The following TRMT2B variants were observed in gnomAD, a reference collection of about 807,000 sequenced individuals.
The protein encoded by TRMT2B is tRNA methyltransferase 2B.
In TRMT2B, 34 loss-of-function variants were observed where a neutral mutation model predicts 39.7. The ratio of observed to expected loss-of-function variants is 0.86; its 90% CI spans 0.65 to 1.14. The LOEUF (loss-of-function observed/expected upper bound fraction) is 1.14, where lower values mean the gene tolerates loss of function less well. TRMT2B is among the 50% of genes most tolerant of loss of function. The probability of loss-of-function intolerance (pLI) is 0.00; values close to 1 mark genes in which losing one functional copy is unlikely to be tolerated. For missense variants in TRMT2B, 318 were observed against 377.2 expected, an observed-to-expected ratio of 0.84 and a Z score of 1.30; for synonymous variants, 132 against 137.3, an observed-to-expected ratio of 0.96 and a Z score of 0.27.
the TRMT2B span, among the ~76,000 whole-genome samples, chrX:100,988,890 T>G: frequency 2.1e-5 from 2 of 96,438 alleles, no homozygotes; most frequent in Non-Finnish European, 4.1e-5. Context: ...ATCAAGAATT[T>G]AAAAACATGA....
chrX:101,046,787 G>A (rs904489373), intron 2 of TRMT2B, among the ~76,000 whole-genome samples: 2 of 110,581 alleles, frequency 1.8e-5, no homozygotes, highest in Non-Finnish European at 3.8e-5. Flanking sequence ...TTAGCCAGAT[G>A]TGGTGGCGCA....
chrX:101,030,323 C>T (rs185053729), intron 7 of TRMT2B, among the ~76,000 whole-genome samples: 24 of 110,899 alleles, frequency 2.2e-4, no homozygotes, highest in African/African-American at 7.9e-4. Flanking sequence ...CTTCCATCTT[C>T]CTCTACCAGG....
At chrX:101,025,186 A>T (rs756664046) in intron 7 of TRMT2B, among the ~76,000 whole-genome samples, 5 of 111,803 alleles carry the variant, frequency 4.5e-5, no homozygotes, top group Non-Finnish European at 9.4e-5. Flanking sequence ...TTATTTATGG[A>T]AAATAATCTT....
chrX:100,988,058 C>T, the TRMT2B span: 1 of 481,151 alleles, frequency 2.1e-6, no homozygotes. Context: ...AGCAAAAGGC[C>T]TAAACATCCT....
chrX:100,977,864 T>TATATGTGTGTATATGTA, the TRMT2B span, among the ~76,000 whole-genome samples: 1 of 112,513 alleles, frequency 8.9e-6, no homozygotes, highest in Admixed American at 9.4e-5. Flanking sequence ...TAAATAGTAC[T>TATATGTGTGTATATGTA]CCATTGTGTA....
chrX:100,993,754 C>A, the TRMT2B span, among the ~76,000 whole-genome samples: 1 of 111,608 alleles, frequency 9.0e-6, no homozygotes, highest in African/African-American at 3.3e-5. Flanking sequence ...TCAGTGTACC[C>A]TTAGTCATGT....
chrX:101,042,347 T>C (rs1393560679), intron 2 of TRMT2B, 35 bp from the exon 3 acceptor site: 1 of 1,165,573 alleles, frequency 8.6e-7, no homozygotes, highest in East Asian at 3.0e-5. Flanking sequence ...GGTTGGGAAA[T>C]AGAAGCACAA....
downstream of TRMT2B, among the ~76,000 whole-genome samples, chrX:101,007,332 T>A (rs1228642000): frequency 8.9e-6 from 1 of 111,829 alleles, no homozygotes; most frequent in African/African-American, 3.2e-5. Context: ...TCATCAATAA[T>A]GTTGGACTTT....
the TRMT2B span, chrX:100,973,646 CTTA>C: frequency 8.4e-7 from 1 of 1,185,091 alleles, no homozygotes; most frequent in Non-Finnish European, 1.1e-6. Context: ...GGACTTACTT[CTTA>C]TTTTCTTTCT....
rs2086827387 is a variant in TRMT2B at position 101,022,032 on chromosome X, T to C, written c.787A>G (p.Lys263Glu). Residue 263 changes from lysine to glutamate, a missense_variant, in exon 9 of 14, where the codon AAG (lysine) becomes GAG (glutamate). Lys to Glu is a moderately conservative substitution (Grantham distance 56). Transcript: ENST00000372936. ...EELHVQKEIV[K>E]EFFIRGPGAA... ...CCAGGACCTCTGATGAAAAATTCCTTTACAATCTCCTTCTGAACATGGAGC... is the reference window on the plus strand; with the variant it reads ...CCAGGACCTCTGATGAAAAATTCCTCTACAATCTCCTTCTGAACATGGAGC... 1.7e-6 allele frequency: 2 copies of C among 1,208,781 alleles called. No individual in the cohort carries two copies. The highest frequency in any genetic ancestry group is 2.2e-6 in the Non-Finnish European group (2 of 894,004).
chrX:100,981,327 G>A, the TRMT2B span, among the ~76,000 whole-genome samples: 3 of 111,850 alleles, frequency 2.7e-5, no homozygotes, highest in East Asian at 5.7e-4. Context: ...TCTGCCCTAT[G>A]TAGTTTTCTG....
At chrX:101,019,167 T>C in intron 12 of TRMT2B, 97 bp from the exon 13 acceptor site, 1 of 1,128,107 alleles carries the variant, frequency 8.9e-7, no homozygotes. Flanking sequence ...TGATTAGAAA[T>C]AGAGGGGAAA....
intron 7 of TRMT2B, among the ~76,000 whole-genome samples, chrX:101,031,765 A>G (rs1189715454): frequency 9.0e-6 from 1 of 111,388 alleles, no homozygotes; most frequent in Non-Finnish European, 1.9e-5. Flanking sequence ...TTACTAAAAA[A>G]GAACAGAATG....
intron 7 of TRMT2B, among the ~76,000 whole-genome samples, chrX:101,027,757 G>A (rs778058605): frequency 1.8e-5 from 2 of 110,677 alleles, no homozygotes; most frequent in Admixed American, 9.8e-5. Context: ...AACCCCAGTC[G>A]AATATATCCA....
intron 13 of TRMT2B, among the ~76,000 whole-genome samples, chrX:101,017,668 C>T (rs764109499): frequency 8.9e-6 from 1 of 111,877 alleles, no homozygotes; most frequent in Non-Finnish European, 1.9e-5. Flanking sequence ...GTGAAAGGCA[C>T]TTGCATTGGG....
chrX:101,032,776 CA>C (rs749914577), intron 7 of TRMT2B, among the ~76,000 whole-genome samples: 2,452 of 28,621 alleles, frequency 0.086, 129 homozygotes, highest in African/African-American at 0.25. Flanking sequence ...AACTCCGTCT[CA>C]AAAAAAAAAA....
At chrX:100,985,617 ATG>A in the TRMT2B span, 1 of 1,171,001 alleles carries the variant, frequency 8.5e-7, no homozygotes. Flanking sequence ...TTAGATGAGT[ATG>A]GAGTTTCGAT....
At position 101,051,519 on chromosome X, in the gene TRMT2B, T is replaced by C. The variant is rs961726017; in HGVS notation, c.-292A>G. 17 of 754,003 alleles carry C rather than the reference T, an allele frequency of 2.3e-5. No homozygotes were observed. The highest frequency in any genetic ancestry group is 2.7e-5 in the Non-Finnish European group (17 of 639,329). 62.1% of individuals were successfully genotyped at this position (754,003 alleles called of 1,213,427 possible). ...CTGCCCACTGTGTCTGTAGGAAGGG[T>C]TAACAAAGAGGAGACACTAGGAAAG... On this transcript the variant is annotated 5_prime_UTR_variant, in exon 2 of 14. Transcript: ENST00000372936.
At chrX:100,974,655 A>G in the TRMT2B span, among the ~76,000 whole-genome samples, 1 of 111,858 alleles carries the variant, frequency 8.9e-6, no homozygotes, top group Non-Finnish European at 1.9e-5. Context: ...AAATTCTGTG[A>G]CAGCTAATAT....
Sources: gnomAD v4.1 joint callset for allele counts (sites outside exome capture counted in the v4.1 genomes callset) on GRCh38, gnomAD v4.1.1 for gene constraint, MANE v1.5 for transcripts, NCBI Gene and HGNC (gene_info 2026-07-23, HGNC 2026-07-21) for gene names.